The following ZNF385D variants were observed in gnomAD, a reference collection of about 807,000 sequenced individuals.
The protein encoded by ZNF385D is zinc finger protein 659.
A neutral mutation model predicts 35.8 loss-of-function variants in ZNF385D; 15 were observed. The observed-to-expected ratio is 0.42, with a 90% CI of 0.28 to 0.64. The LOEUF is 0.64. ZNF385D is among the 30% of genes least tolerant of loss of function. The pLI, the probability that ZNF385D is intolerant of heterozygous loss-of-function variation, is 0.23. For synonymous variants in ZNF385D, 212 were observed against 186.8 expected (o/e 1.13, Z -1.10); for missense variants, 474 against 494.6 (o/e 0.96, Z 0.39).
At chr3:21,459,831 T>C (rs1703053195) in intron 4 of ZNF385D, among the ~76,000 whole-genome samples, 1 of 152,198 alleles carries the variant, frequency 6.6e-6, no homozygotes, top group Non-Finnish European at 1.5e-5. Context: ...CAAGGATAAC[T>C]AAGACAATAT....
intron 2 of ZNF385D, among the ~76,000 whole-genome samples, chr3:22,248,523 G>A (rs561818181): frequency 2.0e-5 from 3 of 152,160 alleles, no homozygotes; most frequent in South Asian, 4.2e-4. Flanking sequence ...AGTCCATTAT[G>A]GAGAAGTAAA....
At chr3:22,248,020 TAGAG>T (rs1438117447) in intron 2 of ZNF385D, among the ~76,000 whole-genome samples, 3 of 152,170 alleles carry the variant, frequency 2.0e-5, no homozygotes, top group Non-Finnish European at 4.4e-5. Context: ...ATACATATAA[TAGAG>T]ATTTAAGTCA....
At chr3:22,068,526 T>C (rs1700077004) in intron 3 of ZNF385D, among the ~76,000 whole-genome samples, 1 of 152,148 alleles carries the variant, frequency 6.6e-6, no homozygotes, top group Admixed American at 6.6e-5. Flanking sequence ...ATTTAAAACT[T>C]TTTATTATAT....
chr3:21,554,705 C>A (rs1034425164), intron 3 of ZNF385D, among the ~76,000 whole-genome samples: 2 of 152,126 alleles, frequency 1.3e-5, no homozygotes, highest in Admixed American at 6.6e-5. Flanking sequence ...TTTTCAGCGG[C>A]CTTAACTGGA....
At chr3:22,208,987 T>A (rs1559453550) in intron 2 of ZNF385D, among the ~76,000 whole-genome samples, 1 of 151,822 alleles carries the variant, frequency 6.6e-6, no homozygotes, top group Non-Finnish European at 1.5e-5. Flanking sequence ...TCCAAGGTGA[T>A]CCCCCACTTT....
At chr3:21,609,833 A>C (rs185601140) in intron 2 of ZNF385D, among the ~76,000 whole-genome samples, 16 of 152,362 alleles carry the variant, frequency 1.1e-4, no homozygotes, top group Admixed American at 1.0e-3. Context: ...ACGCAAAGAT[A>C]AATGGAACTC....
intron 3 of ZNF385D, among the ~76,000 whole-genome samples, chr3:22,119,391 T>G (rs911485986): frequency 4.6e-5 from 7 of 152,222 alleles, no homozygotes; most frequent in African/African-American, 1.7e-4. Flanking sequence ...ACTAATTTAC[T>G]ACTATTTTAA....
rs2066850377 is a variant in ZNF385D at position 21,679,991 on chromosome 3, TAC to T, written c.23-14965_23-14964del. ...TGAGAGAGACTCGCTCAGTGCCTAA[TAC>T]GTGGTAAGGACTCAAAATATGATAG... On this transcript the variant is annotated intron_variant, in intron 1 of 7. Transcript: ENST00000281523. Among the ~76,000 whole-genome samples the T allele has an allele frequency of 2.0e-5, 3 of 152,118 alleles. No homozygotes were observed. The South Asian group carries it at 6.2e-4, about 31-fold the overall frequency.
chr3:21,635,357 A>G (rs11719160), intron 2 of ZNF385D, among the ~76,000 whole-genome samples: 18,123 of 152,128 alleles, frequency 0.12, 1,346 homozygotes, highest in African/African-American at 0.19. Flanking sequence ...TGATTAATAT[A>G]TATTAACTAA....
chr3:21,777,924 G>A lies in ZNF385D; in HGVS notation c.326-112896C>T, dbSNP rs1027777755. 2.0e-5 allele frequency: 3 copies of A among 151,906 alleles called. No individual in the cohort carries two copies. The East Asian group carries it at 5.8e-4, about 30-fold the overall frequency. The allele number at this position is 151,906 out of a possible 1,614,324, so 9.4% of individuals were successfully genotyped here. ...TAGCTTAAAACCTGACATAAGAAGC[G>A]GAATTGTCCAGCTGAAGCAAACCCA... On this transcript the variant is annotated intron_variant, in intron 3 of 5. Transcript: ENST00000494108.
rs147127548 is a variant in ZNF385D, at chr3:21,672,523, A to G, written c.23-7495T>C. Among the ~76,000 whole-genome samples, 612 of 152,202 alleles carry G rather than the reference A, an allele frequency of 4.0e-3. 6 individuals carry two copies. Among genetic ancestry groups the G allele is most frequent in the African/African-American group, 0.013 (558 of 41,558 alleles). ...AGAGGAATGAGGTGAGAATGGGAGT[A>G]TGAGTCAGGGCAATTGGAGCTCCAT... is the stretch of plus-strand genomic sequence containing the variant. On this transcript the variant is annotated intron_variant, in intron 1 of 7. Transcript: ENST00000281523.
intron 3 of ZNF385D, among the ~76,000 whole-genome samples, chr3:22,039,170 T>G (rs548507035): frequency 6.7e-6 from 1 of 150,092 alleles, no homozygotes; most frequent in Non-Finnish European, 1.5e-5. Context: ...TCTAAGGATG[T>G]CCATTTGACT....
chr3:22,028,828 T>A (rs374119794), intron 3 of ZNF385D, among the ~76,000 whole-genome samples: 1 of 152,192 alleles, frequency 6.6e-6, no homozygotes, highest in African/African-American at 2.4e-5. Flanking sequence ...AACATTGGAA[T>A]GGCCTTTGGA....
rs566197255 is a variant in ZNF385D at position 22,184,996 on chromosome 3, T to G, written c.107-15961A>C. On this transcript the variant is annotated intron_variant, in intron 2 of 5. Coordinates refer to the ZNF385D transcript ENST00000494108. ...GAGTTTTTAGGTAGGTTAAAATGTG[T>G]TTTAAATAAACATGAGTTTTCTCCC... Among the ~76,000 whole-genome samples the G allele has an allele frequency of 1.4e-4, 22 of 152,224 alleles. No homozygotes were observed. The South Asian group carries it at 4.6e-3, about 32-fold the overall frequency.
At chr3:22,201,312 G>A (rs951168631) in intron 2 of ZNF385D, among the ~76,000 whole-genome samples, 2 of 152,068 alleles carry the variant, frequency 1.3e-5, no homozygotes, top group Admixed American at 1.3e-4. Context: ...AAAGTCAACT[G>A]AGAGAAAATT....
chr3:22,242,061 T>A (rs1383238243), intron 2 of ZNF385D, among the ~76,000 whole-genome samples: 1 of 147,120 alleles, frequency 6.8e-6, no homozygotes, highest in African/African-American at 2.5e-5. Context: ...AACATCACAC[T>A]CTGGGGACTG....
chr3:21,728,768 A>G (rs1157024477), intron 1 of ZNF385D, among the ~76,000 whole-genome samples: 2 of 152,094 alleles, frequency 1.3e-5, no homozygotes, highest in African/African-American at 2.4e-5. Flanking sequence ...TACCTTCCTA[A>G]TGAGGCCCAC....
intron 2 of ZNF385D, among the ~76,000 whole-genome samples, chr3:22,251,323 C>CGTA (rs1423026159): frequency 4.6e-5 from 7 of 152,212 alleles, no homozygotes; most frequent in Admixed American, 6.5e-5. Flanking sequence ...CTATAAGAGG[C>CGTA]GTAAGCACTC....
At chr3:22,309,407 A>G (rs1364322556) in intron 2 of ZNF385D, among the ~76,000 whole-genome samples, 1 of 152,122 alleles carries the variant, frequency 6.6e-6, no homozygotes, top group African/African-American at 2.4e-5. Flanking sequence ...CTTGGATTTA[A>G]GAAGGCATGA....
Sources: allele counts gnomAD v4.1 joint callset (sites outside exome capture counted in the v4.1 genomes callset), GRCh38; gene constraint gnomAD v4.1.1; transcripts MANE v1.5; gene names NCBI Gene and HGNC (gene_info 2026-07-23, HGNC 2026-07-21).